VAMP4: variants seen among roughly 807,000 people sequenced by gnomAD.
The protein encoded by VAMP4 is vesicle-associated membrane protein 4.
Under a neutral mutation model 23.5 loss-of-function variants are expected in VAMP4, and 19 were observed. That is an observed-to-expected ratio of 0.81 (90% confidence interval 0.56 to 1.19). The LOEUF (loss-of-function observed/expected upper bound fraction) is 1.19, where lower values mean the gene tolerates loss of function less well. Ranked by LOEUF, VAMP4 falls within the 50% of genes most tolerant of loss-of-function variation. VAMP4 has a pLI of 0.00. For synonymous variants in VAMP4, 31 were observed against 51.0 expected (o/e 0.61, Z 1.67); for missense variants, 145 against 168.6 (o/e 0.86, Z 0.78).
rs369690605 is a variant in VAMP4, at chr1:171,708,163, G to A, written c.345+1502C>T. On this transcript the variant is annotated intron_variant, in intron 6 of 7. Transcript: ENST00000236192. ...AAAATACAAAAATTAGCCAGGTGTG[G>A]TGGTGCATGCCTGTAATTCCAGCTA... is the stretch of plus-strand genomic sequence containing the variant. Among the ~76,000 whole-genome samples, 10 of 151,766 alleles carry A rather than the reference G, an allele frequency of 6.6e-5. No individual in the cohort carries two copies. The East Asian group carries it at 1.4e-3, about 21-fold the overall frequency.
chr1:171,738,259 C>A (rs563667265), intron 2 of VAMP4, 90 bp downstream of exon 2: 2 of 1,462,670 alleles, frequency 1.4e-6, no homozygotes, highest in African/African-American at 1.4e-5. Flanking sequence ...TGAGCAACCA[C>A]GCCCGGATGG....
At chr1:171,739,932 C>G (rs1353592726) in intron 1 of VAMP4, among the ~76,000 whole-genome samples, 2 of 152,106 alleles carry the variant, frequency 1.3e-5, no homozygotes, top group East Asian at 1.9e-4. Context: ...AAAAGTTCTT[C>G]TATGCAAATA....
chr1:171,710,242 C>CAAGT (rs1654805704), intron 5 of VAMP4, among the ~76,000 whole-genome samples: 1 of 149,986 alleles, frequency 6.7e-6, no homozygotes, highest in Non-Finnish European at 1.5e-5. Flanking sequence ...CAGCCATTCA[C>CAAGT]CAAACAATAT....
chr1:171,731,153 A>T (rs1436975856), intron 2 of VAMP4, among the ~76,000 whole-genome samples: 1 of 140,008 alleles, frequency 7.1e-6, no homozygotes, highest in Non-Finnish European at 1.5e-5. Context: ...CTAAGTACTA[A>T]GCAGCGGTTT....
At chr1:171,715,629 C>A (rs4468194) in intron 4 of VAMP4, among the ~76,000 whole-genome samples, 4 of 152,078 alleles carry the variant, frequency 2.6e-5, no homozygotes, top group South Asian at 4.1e-4. Flanking sequence ...GCATAGTGCC[C>A]AACACATAGC....
intron 6 of VAMP4, among the ~76,000 whole-genome samples, chr1:171,707,754 T>C (rs1262833179): frequency 6.6e-6 from 1 of 152,174 alleles, no homozygotes; most frequent in Non-Finnish European, 1.5e-5. Context: ...CTCAAGGTGA[T>C]GACTATTTAA....
intron 2 of VAMP4, among the ~76,000 whole-genome samples, chr1:171,733,996 T>C (rs1261934720): frequency 6.6e-6 from 1 of 151,898 alleles, no homozygotes; most frequent in Non-Finnish European, 1.5e-5. Flanking sequence ...TTATTAGCAA[T>C]AAAAAGGAAT....
At chr1:171,710,080 C>T (rs1183976652) in intron 5 of VAMP4, among the ~76,000 whole-genome samples, 1 of 151,506 alleles carries the variant, frequency 6.6e-6, no homozygotes, top group Non-Finnish European at 1.5e-5. Context: ...ATACTTGGCA[C>T]ACCTCTAGAA....
intron 4 of VAMP4, among the ~76,000 whole-genome samples, chr1:171,718,072 G>A (rs562615734): frequency 6.6e-6 from 1 of 152,252 alleles, no homozygotes; most frequent in African/African-American, 2.4e-5. Context: ...ACTGTGAGAT[G>A]ATAAATGTGT....
intron 2 of VAMP4, among the ~76,000 whole-genome samples, chr1:171,731,639 C>A (rs1460408740): frequency 6.6e-6 from 1 of 152,136 alleles, no homozygotes; most frequent in Non-Finnish European, 1.5e-5. Context: ...AGAAAAAGTC[C>A]AAGTGTATTA....
chr1:171,705,818 T>C (rs1654629919), intron 7 of VAMP4, among the ~76,000 whole-genome samples: 1 of 152,154 alleles, frequency 6.6e-6, no homozygotes, highest in Admixed American at 6.6e-5. Context: ...TAAAATGATC[T>C]GATTTTTAAA....
intron 4 of VAMP4, among the ~76,000 whole-genome samples, chr1:171,711,657 C>T (rs1269888864): frequency 1.3e-5 from 2 of 152,144 alleles, no homozygotes; most frequent in African/African-American, 4.8e-5. Context: ...TTTTAAGTGT[C>T]TTATTCTCCT....
At position 171,728,512 on chromosome 1, in the gene VAMP4, A is replaced by G; in HGVS notation, c.113+12T>C. 6.6e-7 allele frequency: 1 copy of G among 1,525,564 alleles called. No individual in the cohort carries two copies. Among genetic ancestry groups the G allele is most frequent in the South Asian group, 1.2e-5 (1 of 80,242 alleles). 94.5% of individuals were successfully genotyped at this position (1,525,564 alleles called of 1,614,324 possible). On this transcript the variant is annotated intron_variant, in intron 3 of 7. Transcript: ENST00000236192. ...CAATTACACCCTAATAAAGCTGTAAAAAAAAACTTACAGAAAAAAGTCCTC... is the reference window on the plus strand; with the variant it reads ...CAATTACACCCTAATAAAGCTGTAAGAAAAAACTTACAGAAAAAAGTCCTC...
intron 2 of VAMP4, among the ~76,000 whole-genome samples, chr1:171,731,027 ACT>A (rs1254422970): frequency 1.3e-5 from 2 of 149,514 alleles, no homozygotes; most frequent in Non-Finnish European, 3.0e-5. Context: ...ACATGGTGAA[ACT>A]CTGTCTCTAC....
chr1:171,721,932 A>G (rs929377084), intron 3 of VAMP4, among the ~76,000 whole-genome samples: 1 of 152,222 alleles, frequency 6.6e-6, no homozygotes, highest in African/African-American at 2.4e-5. Context: ...ACCAAAAAAG[A>G]GCCCACATTG....
intron 2 of VAMP4, among the ~76,000 whole-genome samples, chr1:171,734,309 T>C (rs180978484): frequency 6.8e-6 from 1 of 147,044 alleles, no homozygotes; most frequent in Non-Finnish European, 1.5e-5. Context: ...ATATGCACTA[T>C]AACGTTGAGG....
Position 171,704,428 on chromosome 1 carries a change from C to A in VAMP4, c.*78G>T. The stretch of plus-strand genomic sequence containing the variant: ...AAAGAAGTTTTGAAAGTTATATACA[C>A]ATAGGTTTCATTTAAATTATGCAGC... On this transcript the variant is annotated 3_prime_UTR_variant, in exon 8 of 8. Coordinates refer to ENST00000236192, the MANE Select transcript of VAMP4 (RefSeq NM_003762.5). 1 of 1,307,010 alleles carries A rather than the reference C, an allele frequency of 7.7e-7. No individual in the cohort carries two copies. Among genetic ancestry groups the A allele is most frequent in the Non-Finnish European group, 1.0e-6 (1 of 963,652 alleles). 81.0% of individuals were successfully genotyped at this position (1,307,010 alleles called of 1,614,324 possible). A position where few individuals can be genotyped will look rare whatever the true frequency, so the allele number is the denominator to read the frequency against.
chr1:171,732,536 C>CA (rs1655597292), intron 2 of VAMP4, among the ~76,000 whole-genome samples: 1 of 151,872 alleles, frequency 6.6e-6, no homozygotes, highest in South Asian at 2.1e-4. Context: ...GACCCTGTAG[C>CA]AAAAAACCTC....
At chr1:171,713,590 T>C (rs1294323596) in intron 4 of VAMP4, among the ~76,000 whole-genome samples, 1 of 152,070 alleles carries the variant, frequency 6.6e-6, no homozygotes, top group African/African-American at 2.4e-5. Flanking sequence ...CTCAACACTT[T>C]GGGAGGCCAA....
Sources: allele counts gnomAD v4.1 joint callset (sites outside exome capture counted in the v4.1 genomes callset), GRCh38; gene constraint gnomAD v4.1.1; transcripts MANE v1.5; gene names NCBI Gene and HGNC (gene_info 2026-07-23, HGNC 2026-07-21).